The following TGM4 variants were observed in gnomAD, a reference collection of about 807,000 sequenced individuals.
TGM4 encodes the protein transglutaminase 4.
In TGM4, 61 loss-of-function variants were observed where a neutral mutation model predicts 76.3. The ratio of observed to expected loss-of-function variants is 0.80; its 90% CI spans 0.65 to 0.99. TGM4 has a LOEUF of 0.99. Among genes scored for constraint, TGM4 ranks in the 50% least tolerant of loss-of-function variants. TGM4 has a pLI of 0.00. For missense variants in TGM4, 794 were observed against 843.2 expected (o/e 0.94, Z 0.72); for synonymous variants, 337 against 329.8 (o/e 1.02, Z -0.24).
chr3:44,887,720 G>C lies in TGM4; in HGVS notation c.225G>C (p.Leu75=). 1 of 1,614,174 alleles carries C rather than the reference G, an allele frequency of 6.2e-7. No individual in the cohort carries two copies. Among genetic ancestry groups the C allele is most frequent in the South Asian group, 1.1e-5 (1 of 91,088 alleles). ...ATCCTAGCATCGCCAAACACACCCT[G>C]GTGGTGCTCGACCCGAGGACGCCCT... The part of the protein sequence containing the change: ...GPNPSIAKHT[L]VVLDPRTPSD... Residue 75 remains leucine (L), a synonymous_variant, in exon 3 of 14, where the codon CTG becomes CTC. Transcript: ENST00000296125.
intron 13 of TGM4, among the ~76,000 whole-genome samples, chr3:44,911,634 T>G (rs1700007188): frequency 6.6e-6 from 1 of 152,226 alleles, no homozygotes; most frequent in South Asian, 2.1e-4. Context: ...ATTGCTTTAC[T>G]TTGCATCTGA....
intron 8 of TGM4, among the ~76,000 whole-genome samples, chr3:44,902,177 T>C (rs943808291): frequency 2.6e-5 from 4 of 152,182 alleles, no homozygotes; most frequent in Admixed American, 2.6e-4. Flanking sequence ...TGCTGAGCTG[T>C]GGGGCCCCTT....
Position 44,910,023 on chromosome 3 carries a change from A to C in TGM4, c.1328-67A>C, listed in dbSNP as rs1699978003. The C allele has an allele frequency of 1.9e-6, 3 of 1,556,446 alleles. No individual in the cohort carries two copies. The African/African-American group carries it at 4.1e-5, about 21-fold the overall frequency. On this transcript the variant is annotated intron_variant, in intron 10 of 13. Coordinates refer to ENST00000296125, the MANE Select transcript of TGM4 (RefSeq NM_003241.4). ...CAGGCAGATGGTCTCCTTCTGCCACACGGGTGGTTGGGACATTTGGTCCTT... is the reference window on the plus strand; with the variant it reads ...CAGGCAGATGGTCTCCTTCTGCCACCCGGGTGGTTGGGACATTTGGTCCTT...
Position 44,914,166 on chromosome 3 carries a change from C to T in TGM4, c.*441C>T, listed in dbSNP as rs2125762823. 1 of 158,822 alleles carries T rather than the reference C, an allele frequency of 6.3e-6. No individual in the cohort carries two copies. The highest frequency in any genetic ancestry group is 6.1e-5 in the Admixed American group (1 of 16,390). The allele number at this position is 158,822 out of a possible 1,614,324, so 9.8% of individuals were successfully genotyped here. A position where few individuals can be genotyped will look rare whatever the true frequency, so the allele number is the denominator to read the frequency against. On this transcript the variant is annotated 3_prime_UTR_variant, in exon 14 of 14. Coordinates refer to ENST00000296125, the MANE Select transcript of TGM4 (RefSeq NM_003241.4). Reference sequence around the variant, plus strand: ...AGGCACCTGTCAACTGGAGTGCTCTCTCAGCACTGGGATGGGCCTGATAGA... The same window carrying T: ...AGGCACCTGTCAACTGGAGTGCTCTTTCAGCACTGGGATGGGCCTGATAGA...
chr3:44,906,614 A>G (rs1391199264), intron 9 of TGM4, among the ~76,000 whole-genome samples: 1 of 152,158 alleles, frequency 6.6e-6, no homozygotes, highest in Non-Finnish European at 1.5e-5. Flanking sequence ...GCCTTGCACA[A>G]GGTCACATAG....
chr3:44,884,858 C>T (rs1174647863), intron 1 of TGM4, among the ~76,000 whole-genome samples: 1 of 152,084 alleles, frequency 6.6e-6, no homozygotes, highest in Non-Finnish European at 1.5e-5. Context: ...CTGTTCCCTC[C>T]TCAGTTTGCC....
At chr3:44,898,071 G>T (rs1699803938) in intron 6 of TGM4, among the ~76,000 whole-genome samples, 1 of 152,124 alleles carries the variant, frequency 6.6e-6, no homozygotes, top group South Asian at 2.1e-4. Flanking sequence ...CACGAGGTCA[G>T]GAGATCGAGA....
intron 9 of TGM4, among the ~76,000 whole-genome samples, chr3:44,906,389 C>T (rs537972013): frequency 2.0e-5 from 3 of 152,086 alleles, no homozygotes; most frequent in African/African-American, 4.8e-5. Context: ...CAGCTCTTAA[C>T]AAAAATGAAA....
In TGM4 at chr3:44,911,380, C is replaced by T; in HGVS notation, c.1887C>T (p.Ile629=). The T allele has an allele frequency of 1.2e-6, 2 of 1,614,256 alleles. No individual in the cohort carries two copies. Among genetic ancestry groups the T allele is most frequent in the Middle Eastern group, 1.7e-4 (1 of 6,036 alleles). The part of the protein sequence containing the change: ...DVKFSLESLG[I]SSLQTSDHGT... Reference sequence around the variant, plus strand: ...AGTTCTCTTTGGAAAGCCTGGGCATCTCCTCACTACAGACCTCTGACCATG... The same window carrying T: ...AGTTCTCTTTGGAAAGCCTGGGCATTTCCTCACTACAGACCTCTGACCATG... The change falls in exon 13 of 14, where the codon ATC becomes ATT. Residue 629 remains isoleucine (I), a synonymous_variant. Transcript: ENST00000296125.
intron 5 of TGM4, among the ~76,000 whole-genome samples, chr3:44,895,485 G>A (rs1008662863): frequency 6.6e-5 from 10 of 152,006 alleles, no homozygotes; most frequent in African/African-American, 2.4e-4. Flanking sequence ...AAATTAGCTG[G>A]GCATGGTGAT....
chr3:44,878,475 T>C (rs1575708630), intron 1 of TGM4, among the ~76,000 whole-genome samples: 1 of 147,230 alleles, frequency 6.8e-6, no homozygotes, highest in African/African-American at 2.5e-5. Context: ...TTATTATTAT[T>C]ATTATTATTA....
chr3:44,907,483 A>G (rs1699941057), intron 10 of TGM4, among the ~76,000 whole-genome samples: 1 of 152,140 alleles, frequency 6.6e-6, no homozygotes, highest in African/African-American at 2.4e-5. Flanking sequence ...ACCCTGTCTC[A>G]TACAAACAAA....
Position 44,911,004 on chromosome 3 carries a change from C to T in TGM4, c.1653C>T (p.Ser551=). 1 of 1,614,178 alleles carries T rather than the reference C, an allele frequency of 6.2e-7. No individual in the cohort carries two copies. Among genetic ancestry groups the T allele is most frequent in the East Asian group, 2.2e-5 (1 of 44,886 alleles). Residue 551 remains serine, a synonymous_variant, in exon 12 of 14, where the codon AGC becomes AGT. Coordinates refer to ENST00000296125, the MANE Select transcript of TGM4 (RefSeq NM_003241.4). ...LTLDSKTYIN[S]LAILDDEPVI... ...TGGACTCCAAGACCTACATCAACAG[C>T]CTGGCTATATTAGATGATGAGCCAG...
intron 6 of TGM4, among the ~76,000 whole-genome samples, chr3:44,900,046 C>T (rs572346687): frequency 6.6e-6 from 1 of 152,210 alleles, no homozygotes; most frequent in South Asian, 2.1e-4. Flanking sequence ...CCTACCATGC[C>T]TGGGCACAGA....
intron 9 of TGM4, among the ~76,000 whole-genome samples, chr3:44,906,525 A>G (rs1417144204): frequency 6.6e-6 from 1 of 152,190 alleles, no homozygotes; most frequent in Non-Finnish European, 1.5e-5. Context: ...ATTTAATTTA[A>G]TCTTCGCAAT....
rs1700060701 is a variant in TGM4 at position 44,914,711 on chromosome 3, A to G, written c.*986A>G. On this transcript the variant is annotated 3_prime_UTR_variant, in exon 14 of 14. Coordinates refer to ENST00000296125, the MANE Select transcript of TGM4 (RefSeq NM_003241.4). Reference sequence around the variant, plus strand: ...TGGAATCCTTTGATCTCCCCAGGCAAGGTGCTCTGAGGAGTTGGCTTCTTT... The same window carrying G: ...TGGAATCCTTTGATCTCCCCAGGCAGGGTGCTCTGAGGAGTTGGCTTCTTT... 1 of 152,148 alleles carries G rather than the reference A, an allele frequency of 6.6e-6. No individual in the cohort carries two copies. The highest frequency in any genetic ancestry group is 2.4e-5 in the African/African-American group (1 of 41,404). The allele number at this position is 152,148 out of a possible 1,614,324, so 9.4% of individuals were successfully genotyped here.
At chr3:44,896,648 G>A in intron 5 of TGM4, 61 bp from the exon 6 acceptor site, 2 of 1,493,008 alleles carry the variant, frequency 1.3e-6, no homozygotes, top group South Asian at 2.3e-5. Context: ...TAGATGGTAT[G>A]TGTTAAGTTT....
At chr3:44,907,930 C>A (rs1467544870) in intron 10 of TGM4, among the ~76,000 whole-genome samples, 1 of 152,152 alleles carries the variant, frequency 6.6e-6, no homozygotes, top group Non-Finnish European at 1.5e-5. Flanking sequence ...CAGGGGCAAA[C>A]TGAAGATGGG....
chr3:44,909,296 G>A (rs1699968322), intron 10 of TGM4, among the ~76,000 whole-genome samples: 1 of 152,288 alleles, frequency 6.6e-6, no homozygotes, highest in East Asian at 1.9e-4. Flanking sequence ...TAGATTTCCA[G>A]GAATCTGTCT....
Sources: gnomAD v4.1 joint callset for allele counts (sites outside exome capture counted in the v4.1 genomes callset) on GRCh38, gnomAD v4.1.1 for gene constraint, MANE v1.5 for transcripts, NCBI Gene and HGNC (gene_info 2026-07-23, HGNC 2026-07-21) for gene names.